ADAMTS18: variants seen among roughly 807,000 people sequenced by gnomAD.
ADAMTS18 encodes ADAM metallopeptidase with thrombospondin type 1 motif 18.
In ADAMTS18, 157 loss-of-function variants were observed where a neutral mutation model predicts 165.9. The observed-to-expected ratio is 0.95, with a 90% CI of 0.83 to 1.08. The LOEUF (loss-of-function observed/expected upper bound fraction) is 1.08, where lower values mean the gene tolerates loss of function less well. ADAMTS18 is among the 50% of genes least tolerant of loss of function. The pLI, the probability that ADAMTS18 is intolerant of heterozygous loss-of-function variation, is 0.00. For missense variants in ADAMTS18, 2,040 were observed against 1,534.0 expected, an observed-to-expected ratio of 1.33 and a Z score of -5.51; for synonymous variants, 782 against 578.2, an observed-to-expected ratio of 1.35 and a Z score of -5.06.
At chr16:77,382,785 T>C (rs1245182154) in intron 3 of ADAMTS18, among the ~76,000 whole-genome samples, 1 of 152,206 alleles carries the variant, frequency 6.6e-6, no homozygotes, top group East Asian at 1.9e-4. Context: ...AACCAGACTT[T>C]CCATGAAGTT....
rs370963835 is a variant in ADAMTS18, at chr16:77,287,661, G to A, written c.3550+1603C>T. On this transcript the variant is annotated intron_variant, in intron 22 of 22. Transcript: ENST00000282849. ...TAGTTTTTATATTCTTAGTAGAGAC[G>A]GGGTTTCACCATATTAGCCAGGCTG... is the stretch of plus-strand genomic sequence containing the variant. 4.6e-5 allele frequency among the ~76,000 whole-genome samples: 7 copies of A among 152,148 alleles called. No individual in the cohort carries two copies. The South Asian group carries it at 6.2e-4, about 14-fold the overall frequency.
intron 3 of ADAMTS18, among the ~76,000 whole-genome samples, chr16:77,394,427 A>T (rs1357915672): frequency 6.6e-6 from 1 of 152,162 alleles, no homozygotes; most frequent in South Asian, 2.1e-4. Flanking sequence ...CGGCATGAGG[A>T]TTAGTTATTT....
chr16:77,342,650 C>A (rs1480073781), intron 10 of ADAMTS18, among the ~76,000 whole-genome samples: 1 of 152,108 alleles, frequency 6.6e-6, no homozygotes, highest in East Asian at 1.9e-4. Flanking sequence ...TCAAACCAGG[C>A]CTATGAAATA....
chr16:77,398,427 G>C (rs567486951), intron 3 of ADAMTS18, among the ~76,000 whole-genome samples: 1 of 152,274 alleles, frequency 6.6e-6, no homozygotes, highest in African/African-American at 2.4e-5. Context: ...ACACACGACA[G>C]AGAAACGGAG....
chr16:77,306,770 A>T (rs2055689676), intron 16 of ADAMTS18, among the ~76,000 whole-genome samples: 1 of 152,216 alleles, frequency 6.6e-6, no homozygotes, highest in Non-Finnish European at 1.5e-5. Flanking sequence ...AAAATTGATA[A>T]CGACATTAAG....
At chr16:77,421,814 CT>C (rs1269175280) in intron 3 of ADAMTS18, among the ~76,000 whole-genome samples, 3 of 152,054 alleles carry the variant, frequency 2.0e-5, no homozygotes, top group Non-Finnish European at 4.4e-5. Context: ...TGTCATATAT[CT>C]CCATGTTATT....
chr16:77,372,672 G>C (rs1326923124), intron 3 of ADAMTS18, among the ~76,000 whole-genome samples: 2 of 152,144 alleles, frequency 1.3e-5, no homozygotes, highest in African/African-American at 2.4e-5. Context: ...CAATAGGCAA[G>C]ATAAGTAAAA....
chr16:77,343,058 T>G (rs1177105381), intron 10 of ADAMTS18, among the ~76,000 whole-genome samples: 1 of 150,800 alleles, frequency 6.6e-6, no homozygotes, highest in South Asian at 2.1e-4. Flanking sequence ...AATGCACTGA[T>G]TTTAGACCTT....
chr16:77,408,507 T>G (rs2057420301), intron 3 of ADAMTS18, among the ~76,000 whole-genome samples: 1 of 152,148 alleles, frequency 6.6e-6, no homozygotes. Context: ...GGTGAGATAC[T>G]TTGAAGAAAC....
chr16:77,334,890 T>C (rs1005423279), intron 12 of ADAMTS18, among the ~76,000 whole-genome samples: 7 of 133,602 alleles, frequency 5.2e-5, no homozygotes, highest in Non-Finnish European at 9.2e-5. Flanking sequence ...TATATTATAA[T>C]ATACAGTATA....
At chr16:77,367,351 T>C (rs2056809946) in intron 4 of ADAMTS18, 90 bp downstream of exon 4, 4 of 1,497,246 alleles carry the variant, frequency 2.7e-6, no homozygotes, top group South Asian at 2.3e-5. Context: ...AGCCCCATTT[T>C]GACTTGCAAA....
chr16:77,392,580 C>G (rs115927472), intron 3 of ADAMTS18, among the ~76,000 whole-genome samples: 1 of 152,146 alleles, frequency 6.6e-6, no homozygotes, highest in Non-Finnish European at 1.5e-5. Context: ...TTACCCCCAA[C>G]AGATTCGATA....
intron 3 of ADAMTS18, among the ~76,000 whole-genome samples, chr16:77,376,251 G>A (rs1484176087): frequency 6.6e-6 from 1 of 152,130 alleles, no homozygotes; most frequent in East Asian, 1.9e-4. Context: ...GAGTGAAGGG[G>A]TATGTGCTAC....
At chr16:77,416,797 A>T (rs558044203) in intron 3 of ADAMTS18, among the ~76,000 whole-genome samples, 1 of 152,314 alleles carries the variant, frequency 6.6e-6, no homozygotes, top group South Asian at 2.1e-4. Context: ...AGAATAGACT[A>T]AAGGGACAGA....
At chr16:77,333,949 C>T (rs1378906586) in intron 12 of ADAMTS18, among the ~76,000 whole-genome samples, 1 of 138,538 alleles carries the variant, frequency 7.2e-6, no homozygotes, top group Non-Finnish European at 1.5e-5. Flanking sequence ...TATATAGTGT[C>T]ATATATACTA....
intron 21 of ADAMTS18, 132 bp downstream of exon 21, chr16:77,291,134 G>A (rs1056917426): frequency 4.1e-6 from 4 of 980,986 alleles, no homozygotes; most frequent in Admixed American, 4.1e-5. Context: ...AACCCATTCT[G>A]CCTTCAGAAC....
At chr16:77,359,518 G>A (rs926504556) in intron 7 of ADAMTS18, 95 bp from the exon 8 acceptor site, 2 of 904,052 alleles carry the variant, frequency 2.2e-6, no homozygotes, top group Admixed American at 2.1e-5. Flanking sequence ...CACAGTTTTA[G>A]TTTAATAGAT....
At chr16:77,355,868 T>A (rs1258340737) in intron 9 of ADAMTS18, 72 bp downstream of exon 9, 19 of 1,578,554 alleles carry the variant, frequency 1.2e-5, no homozygotes, top group Non-Finnish European at 1.5e-5. Context: ...GAGTATTCGT[T>A]TGCAGGTCTA....
chr16:77,353,411 G>C (rs1397854354), intron 10 of ADAMTS18, among the ~76,000 whole-genome samples: 1 of 152,132 alleles, frequency 6.6e-6, no homozygotes, highest in Non-Finnish European at 1.5e-5. Flanking sequence ...CAGGGAATAG[G>C]ATCATATAGA....
Sources: gnomAD v4.1 joint callset for allele counts (sites outside exome capture counted in the v4.1 genomes callset) on GRCh38, gnomAD v4.1.1 for gene constraint, MANE v1.5 for transcripts, NCBI Gene and HGNC (gene_info 2026-07-23, HGNC 2026-07-21) for gene names.